BUD23: variants seen among roughly 807,000 people sequenced by gnomAD.
BUD23 encodes 18S rRNA (guanine-N(7))-methyltransferase.
BUD23 carries 34 observed loss-of-function variants against 47.0 expected under a neutral mutation model. That is an observed-to-expected ratio of 0.72 (90% CI 0.55 to 0.96). The LOEUF (loss-of-function observed/expected upper bound fraction) is 0.96. Among genes scored for constraint, BUD23 ranks in the 40% least tolerant of loss-of-function variants. The probability of loss-of-function intolerance (pLI) is 0.00; values close to 1 mark genes in which losing one functional copy is unlikely to be tolerated. For synonymous variants in BUD23, 124 were observed against 132.0 expected (o/e 0.94, Z 0.41); for missense variants, 343 against 361.2 (o/e 0.95, Z 0.41).
chr7:73,686,636 C>T lies in BUD23; in HGVS notation c.87C>T (p.Asn29=). 1 of 1,614,134 alleles carries T rather than the reference C, an allele frequency of 6.2e-7. No individual in the cohort carries two copies. Among genetic ancestry groups the T allele is most frequent in the East Asian group, 2.2e-5 (1 of 44,880 alleles). Residue 29 remains asparagine, a splice_region_variant and synonymous_variant, in exon 3 of 12, where the codon AAC becomes AAT. Coordinates refer to ENST00000265758, the MANE Select transcript of BUD23 (RefSeq NM_017528.5). ...TCCACTTGTGTTTCTGCCTTACCAG[C>T]TCACGGATGATTGATATCCAGACCA... ...DETEARKYVR[N]SRMIDIQTRM...
chr7:73,694,458 T>A (rs1798317628), intron 10 of BUD23: 1 of 166,780 alleles, frequency 6.0e-6, no homozygotes, highest in Non-Finnish European at 1.3e-5. Context: ...GCACAATTTC[T>A]CCTTTTCTAG....
intron 5 of BUD23, among the ~76,000 whole-genome samples, chr7:73,687,517 C>A (rs958914203): frequency 6.6e-6 from 1 of 152,038 alleles, no homozygotes; most frequent in Non-Finnish European, 1.5e-5. Flanking sequence ...CCTTGTGATC[C>A]ACCCTCCTCG....
At chr7:73,697,724 G>A (rs1473559876) in intron 11 of BUD23, 30 bp downstream of exon 11, 4 of 1,556,366 alleles carry the variant, frequency 2.6e-6, no homozygotes, top group Non-Finnish European at 3.5e-6. Context: ...CTGGCAGGGT[G>A]GGTGGGGGGT....
chr7:73,690,377 G>T (rs1479218963), intron 5 of BUD23, among the ~76,000 whole-genome samples: 1 of 152,060 alleles, frequency 6.6e-6, no homozygotes, highest in Admixed American at 6.6e-5. Flanking sequence ...TTAGGAGGAA[G>T]GGTGATGGGA....
chr7:73,692,150 A>G (rs1188724257), intron 6 of BUD23, among the ~76,000 whole-genome samples: 2 of 152,066 alleles, frequency 1.3e-5, no homozygotes, highest in Non-Finnish European at 2.9e-5. Flanking sequence ...TGTGTGTCAC[A>G]TGAGTTCTCC....
chr7:73,686,775 T>C, intron 3 of BUD23, 43 bp from the exon 4 acceptor site: 1 of 1,614,072 alleles, frequency 6.2e-7, no homozygotes, highest in Non-Finnish European at 8.5e-7. Context: ...GGTGGTGAAG[T>C]GTCTTTGTAA....
At position 73,694,007 on chromosome 7, in the gene BUD23, C is replaced by T; in HGVS notation, c.658C>T (p.Gln220Ter). 6.2e-7 allele frequency: 1 copy of T among 1,612,708 alleles called. No individual in the cohort carries two copies. Among genetic ancestry groups the T allele is most frequent in the African/African-American group, 1.3e-5 (1 of 74,908 alleles). ...TFIPEGLSEN[Q>*]DEVEPRESVF... Reference sequence around the variant, plus strand: ...GTTCCTGCAGGGGCTGAGTGAAAATCAGGATGAAGTTGAACCCAGGGAGTC... The same window carrying T: ...GTTCCTGCAGGGGCTGAGTGAAAATTAGGATGAAGTTGAACCCAGGGAGTC... The change falls in exon 10 of 12, where the codon CAG becomes TAG. Residue 220 changes from glutamine to a stop codon, truncating the protein, a stop_gained. Transcript: ENST00000265758. LOFTEE classifies it high-confidence loss of function.
intron 10 of BUD23, 176 bp from the exon 11 acceptor site, chr7:73,697,429 G>A: frequency 6.5e-7 from 1 of 1,536,926 alleles, no homozygotes; most frequent in East Asian, 2.4e-5. Flanking sequence ...GATGTTATCA[G>A]GAAGGAGGGT....
chr7:73,686,705 T>C lies in BUD23; in HGVS notation c.156T>C (p.Asn52=), dbSNP rs564205020. Residue 52 remains asparagine (N), a synonymous_variant, in exon 3 of 12, where the codon AAT becomes AAC. Transcript: ENST00000265758. ...TGGAGCTTCTTTATCTGCCAGAGAATAAGCCCTGTTACCTGCTGGATATTG... is the reference window on the plus strand; with the variant it reads ...TGGAGCTTCTTTATCTGCCAGAGAACAAGCCCTGTTACCTGCTGGATATTG... ...RALELLYLPE[N]KPCYLLDIGC... 1 of 1,614,182 alleles carries C rather than the reference T, an allele frequency of 6.2e-7. No homozygotes were observed. The highest frequency in any genetic ancestry group is 2.2e-5 in the East Asian group (1 of 44,884).
chr7:73,694,010 G>A lies in BUD23; in HGVS notation c.661G>A (p.Asp221Asn). Residue 221 changes from aspartate (D) to asparagine (N), a missense_variant, in exon 10 of 12, where the codon GAT becomes AAT. Coordinates refer to ENST00000265758, the MANE Select transcript of BUD23 (RefSeq NM_017528.5). ...FIPEGLSENQ[D>N]EVEPRESVFT... Reference sequence around the variant, plus strand: ...CCTGCAGGGGCTGAGTGAAAATCAGGATGAAGTTGAACCCAGGGAGTCTGT... The same window carrying A: ...CCTGCAGGGGCTGAGTGAAAATCAGAATGAAGTTGAACCCAGGGAGTCTGT... 6.2e-7 allele frequency: 1 copy of A among 1,612,666 alleles called. No individual in the cohort carries two copies. The highest frequency in any genetic ancestry group is 8.5e-7 in the Non-Finnish European group (1 of 1,179,652).
chr7:73,685,149 AATAC>A (rs1797913991), intron 2 of BUD23, among the ~76,000 whole-genome samples: 1 of 151,466 alleles, frequency 6.6e-6, no homozygotes, highest in Admixed American at 6.6e-5. Context: ...CTCTACTGAA[AATAC>A]AGATATTAGC....
intron 5 of BUD23, among the ~76,000 whole-genome samples, chr7:73,689,506 G>A (rs1798106845): frequency 6.6e-6 from 1 of 152,196 alleles, no homozygotes; most frequent in African/African-American, 2.4e-5. Flanking sequence ...CATGAGTGGT[G>A]TGTGCCCTAG....
intron 5 of BUD23, among the ~76,000 whole-genome samples, chr7:73,688,672 A>G (rs147746135): frequency 6.6e-6 from 1 of 152,352 alleles, no homozygotes; most frequent in Non-Finnish European, 1.5e-5. Flanking sequence ...AAAATTGATT[A>G]AGTTTTTCTT....
intron 10 of BUD23, chr7:73,697,293 C>T (rs1554614992): frequency 7.4e-6 from 5 of 673,324 alleles, no homozygotes; most frequent in African/African-American, 1.8e-5. Context: ...TGGTAGAAAG[C>T]GGCCTGCTTA....
Position 73,683,859 on chromosome 7 carries a change from C to T in BUD23, c.86+55C>T, listed in dbSNP as rs1797827114. On this transcript the variant is annotated intron_variant, in intron 2 of 11. Transcript: ENST00000265758. ...CCGGGGGTCGGGAAGCGGCAAGTTG[C>T]CCCTGTTGCTGGCGTTGCCCGGAAA... The T allele has an allele frequency of 1.9e-6, 3 of 1,613,794 alleles. No homozygotes were observed. The African/African-American group carries it at 4.0e-5, about 22-fold the overall frequency.
At chr7:73,687,270 G>A (rs545846009) in intron 5 of BUD23, among the ~76,000 whole-genome samples, 175 bp downstream of exon 5, 13 of 151,998 alleles carry the variant, frequency 8.6e-5, no homozygotes, top group East Asian at 3.9e-4. Flanking sequence ...CCACACCACC[G>A]TACCTAGCTA....
Position 73,693,515 on chromosome 7 carries a change from G to A in BUD23, c.596+101G>A, listed in dbSNP as rs1383980493. ...TGGTGCAGAGGAGTGCTGGGGTGTG[G>A]GTCACCAGGGTCCAGGCAGGCGGAG... On this transcript the variant is annotated intron_variant, in intron 8 of 11. Coordinates refer to ENST00000265758, the MANE Select transcript of BUD23 (RefSeq NM_017528.5). The A allele has an allele frequency of 2.3e-5, 36 of 1,595,282 alleles. No homozygotes were observed. In the Middle Eastern group the frequency reaches 5.2e-4, roughly 23 times the overall value.
At position 73,684,923 on chromosome 7, in the gene BUD23, CAAAAAAAAAA is replaced by C. The variant is rs56229090; in HGVS notation, c.86+1146_86+1155del. On this transcript the variant is annotated intron_variant, in intron 2 of 11. Transcript: ENST00000265758. The stretch of plus-strand genomic sequence containing the variant: ...TGGGCGACAGAGCAAGACTTTGTTT[CAAAAAAAAAA>C]AAAAAAAAAAAAAAAAAAAAAAAAA... Among the ~76,000 whole-genome samples the C allele has an allele frequency of 1.3e-3, 65 of 49,132 alleles. 2 individuals are homozygous for C. The highest frequency in any genetic ancestry group is 5.6e-3 in the South Asian group (6 of 1,070). The allele number at this position is 49,132 out of a possible 152,430, so 32.2% of individuals were successfully genotyped here.
At chr7:73,695,556 C>T (rs1204298135) in intron 10 of BUD23, 2 of 152,290 alleles carry the variant, frequency 1.3e-5, no homozygotes, top group African/African-American at 4.8e-5. Context: ...GCCTCATCCT[C>T]CATTCTTTAC....
Sources: allele counts gnomAD v4.1 joint callset (sites outside exome capture counted in the v4.1 genomes callset), GRCh38; gene constraint gnomAD v4.1.1; transcripts MANE v1.5; gene names NCBI Gene and HGNC (gene_info 2026-07-23, HGNC 2026-07-21).